TET2: variants seen among roughly 807,000 people sequenced by gnomAD.
The protein encoded by TET2 is tet methylcytosine dioxygenase 2, also known as methylcytosine dioxygenase TET2.
Under a neutral mutation model 142.9 loss-of-function variants are expected in TET2, and 299 were observed. The observed-to-expected ratio is 2.09, with a 90% confidence interval of 1.90 to 2.30. The LOEUF (loss-of-function observed/expected upper bound fraction) is 2.30, where lower values mean the gene tolerates loss of function less well. Ranked by LOEUF, TET2 falls within the 30% of genes most tolerant of loss-of-function variation. The pLI is 0.00. For synonymous variants in TET2, 819 were observed against 849.0 expected, an observed-to-expected ratio of 0.96 and a Z score of 0.61; for missense variants, 2,418 against 2,378.0, an observed-to-expected ratio of 1.02 and a Z score of -0.35.
In TET2 at chr4:105,235,079, T is replaced by G. The variant is rs1251743021; in HGVS notation, c.1137T>G (p.Ala379=). Residue 379 remains alanine (A), a synonymous_variant, in exon 3 of 11, where the codon GCT becomes GCG. Coordinates refer to ENST00000380013, the MANE Select transcript of TET2 (RefSeq NM_001127208.3). ...RYLKQNEMNG[A]YFKQSSVFTK... ...TAAAACAAAATGAAATGAATGGTGC[T>G]TACTTCAAGCAAAGCTCAGTGTTCA... 6.2e-7 allele frequency: 1 copy of G among 1,614,006 alleles called. No individual in the cohort carries two copies. Among genetic ancestry groups the G allele is most frequent in the Non-Finnish European group, 8.5e-7 (1 of 1,180,032 alleles).
At chr4:105,189,901 A>G (rs948319367) in intron 1 of TET2, among the ~76,000 whole-genome samples, 1 of 152,204 alleles carries the variant, frequency 6.6e-6, no homozygotes, top group Non-Finnish European at 1.5e-5. Context: ...GCCACATCTC[A>G]TGAAGTACAG....
chr4:105,241,402 C>A lies in TET2; in HGVS notation c.3473C>A (p.Ala1158Glu), dbSNP rs1578687992. The change falls in exon 4 of 11, where the codon GCA becomes GAA. Residue 1158 changes from alanine (A) to glutamate (E), a missense_variant. Transcript: ENST00000380013. ...YTHLGAGPNV[A>E]AIREIMEERF... ...CATCTAGGAGCAGGTCCTAATGTGG[C>A]AGCTATTAGAGAAATCATGGAAGAA... is the stretch of plus-strand genomic sequence containing the variant. 2 of 1,550,092 alleles carry A rather than the reference C, an allele frequency of 1.3e-6. No homozygotes were observed. The highest frequency in any genetic ancestry group is 4.9e-5 in the East Asian group (2 of 40,866).
chr4:105,259,325 G>A (rs1261737133), intron 6 of TET2, among the ~76,000 whole-genome samples: 10 of 152,078 alleles, frequency 6.6e-5, no homozygotes, highest in African/African-American at 2.2e-4. Context: ...CAAAATGAGG[G>A]GAAATTCCAG....
chr4:105,214,384 G>A (rs746444487), intron 2 of TET2, among the ~76,000 whole-genome samples: 1 of 135,198 alleles, frequency 7.4e-6, no homozygotes, highest in Non-Finnish European at 1.5e-5. Context: ...ATAGCTCACC[G>A]CAGCCTCAGC....
At chr4:105,260,049 TG>T (rs1460632234) in intron 7 of TET2, among the ~76,000 whole-genome samples, 1 of 152,174 alleles carries the variant, frequency 6.6e-6, no homozygotes, top group East Asian at 1.9e-4. Flanking sequence ...GAATTGGTGA[TG>T]TTTTTCATAT....
intron 3 of TET2, chr4:105,238,036 C>A: frequency 1.7e-6 from 1 of 586,852 alleles, no homozygotes. Context: ...ATGAATATTA[C>A]AATAAAGCAA....
chr4:105,147,598 C>G (rs2110335822), intron 1 of TET2: 1 of 152,050 alleles, frequency 6.6e-6, no homozygotes, highest in African/African-American at 2.4e-5. Flanking sequence ...TAAGTCCGCG[C>G]GTTTTGTTAG....
chr4:105,196,946 T>A (rs1726129677), intron 2 of TET2, among the ~76,000 whole-genome samples: 1 of 152,224 alleles, frequency 6.6e-6, no homozygotes, highest in African/African-American at 2.4e-5. Flanking sequence ...TTCTTCCTAC[T>A]TCTTAAAATA....
intron 2 of TET2, among the ~76,000 whole-genome samples, chr4:105,232,014 G>A (rs192432474): frequency 6.6e-6 from 1 of 152,184 alleles, no homozygotes; most frequent in Non-Finnish European, 1.5e-5. Context: ...GTAGTTTTTT[G>A]ATCCTCTCCC....
chr4:105,195,812 G>A (rs1374965614), intron 2 of TET2, among the ~76,000 whole-genome samples: 3 of 152,122 alleles, frequency 2.0e-5, no homozygotes, highest in Admixed American at 6.5e-5. Flanking sequence ...GTCTATGTGC[G>A]TAGCAATTTT....
At chr4:105,268,555 C>G (rs1730802272) in intron 8 of TET2, among the ~76,000 whole-genome samples, 1 of 152,104 alleles carries the variant, frequency 6.6e-6, no homozygotes, top group Admixed American at 6.6e-5. Flanking sequence ...AATATATATA[C>G]TTGGAAATGC....
chr4:105,276,534 G>C lies in TET2; in HGVS notation c.*15G>C. 1 of 1,541,634 alleles carries C rather than the reference G, an allele frequency of 6.5e-7. No homozygotes were observed. Among genetic ancestry groups the C allele is most frequent in the Non-Finnish European group, 8.8e-7 (1 of 1,141,018 alleles). Reference sequence around the variant, plus strand: ...GATATATATGATATCACCCCCTTTTGTTGGTTACCTCACTTGAAAAGACCA... The same window carrying C: ...GATATATATGATATCACCCCCTTTTCTTGGTTACCTCACTTGAAAAGACCA... On this transcript the variant is annotated 3_prime_UTR_variant, in exon 11 of 11. Transcript: ENST00000380013.
intron 2 of TET2, among the ~76,000 whole-genome samples, chr4:105,222,481 T>A (rs917404907): frequency 6.6e-6 from 1 of 152,260 alleles, no homozygotes; most frequent in Admixed American, 6.5e-5. Context: ...GTGAGCATTT[T>A]TTCATGTGTC....
At chr4:105,197,134 CT>C (rs1432310852) in intron 2 of TET2, among the ~76,000 whole-genome samples, 1 of 152,076 alleles carries the variant, frequency 6.6e-6, no homozygotes, top group Admixed American at 6.6e-5. Context: ...ATTTTTTTCA[CT>C]AAAGTATCCT....
At chr4:105,202,167 C>A (rs1032817781) in intron 2 of TET2, among the ~76,000 whole-genome samples, 3 of 152,022 alleles carry the variant, frequency 2.0e-5, no homozygotes, top group Admixed American at 2.0e-4. Context: ...ATTGTGAACA[C>A]AGATATATAT....
intron 1 of TET2, among the ~76,000 whole-genome samples, chr4:105,170,225 A>G (rs1183446581): frequency 1.3e-5 from 2 of 152,212 alleles, no homozygotes; most frequent in Admixed American, 6.5e-5. Flanking sequence ...TGTGAGTTCT[A>G]TGAGATGAGG....
In TET2 at chr4:105,222,137, C is replaced by T. The variant is rs1274023582; in HGVS notation, c.-46-11760C>T. On this transcript the variant is annotated intron_variant, in intron 2 of 10. Coordinates refer to ENST00000380013, the MANE Select transcript of TET2 (RefSeq NM_001127208.3). ...CATTGTTGGACATTAGGGTTGGTTC[C>T]AAGTCTTTGCTATTGTGAATAGTGC... Among the ~76,000 whole-genome samples the T allele has an allele frequency of 3.9e-5, 6 of 152,018 alleles. No individual in the cohort carries two copies. In the South Asian group the frequency reaches 6.2e-4, roughly 16 times the overall value.
intron 2 of TET2, among the ~76,000 whole-genome samples, chr4:105,218,834 T>G (rs987225043): frequency 1.3e-5 from 2 of 151,960 alleles, no homozygotes; most frequent in African/African-American, 4.8e-5. Flanking sequence ...AAGAACCTTT[T>G]GTAATGAAAA....
In TET2 at chr4:105,275,388, C is replaced by G. The variant is rs2110313059; in HGVS notation, c.4878C>G (p.Thr1626=). Residue 1626 remains threonine, a synonymous_variant, in exon 11 of 11, where the codon ACC becomes ACG. Transcript: ENST00000380013. ...ACCCTGGGCTTTTGAATCAGAATACCCAATATCCATCATATCAATGCAATG... is the reference window on the plus strand; with the variant it reads ...ACCCTGGGCTTTTGAATCAGAATACGCAATATCCATCATATCAATGCAATG... The part of the protein sequence containing the change: ...NPYPGLLNQN[T]QYPSYQCNGN... The G allele has an allele frequency of 6.4e-7, 1 of 1,551,546 alleles. No individual in the cohort carries two copies. Among genetic ancestry groups the G allele is most frequent in the East Asian group, 2.4e-5 (1 of 40,920 alleles).
Sources: allele counts gnomAD v4.1 joint callset (sites outside exome capture counted in the v4.1 genomes callset), GRCh38; gene constraint gnomAD v4.1.1; transcripts MANE v1.5; gene names NCBI Gene and HGNC (gene_info 2026-07-23, HGNC 2026-07-21).